Variants in HS3ST3A1 observed in about 807,000 individuals in gnomAD.
The protein encoded by HS3ST3A1 is heparan sulfate-glucosamine 3-sulfotransferase 3A1.
A neutral mutation model predicts 25.7 loss-of-function variants in HS3ST3A1; 19 were observed. The observed-to-expected ratio is 0.74, with a 90% CI of 0.52 to 1.08. The LOEUF is 1.08. Among genes scored for constraint, HS3ST3A1 ranks in the 50% least tolerant of loss-of-function variants. The pLI, the probability that HS3ST3A1 is intolerant of heterozygous loss-of-function variation, is 0.00. For synonymous variants in HS3ST3A1, 226 were observed against 278.6 expected (o/e 0.81, Z 1.88); for missense variants, 459 against 594.3 (o/e 0.77, Z 2.37).
chr17:13,597,920 G>A (rs562174486), intron 1 of HS3ST3A1, among the ~76,000 whole-genome samples: 110 of 152,292 alleles, frequency 7.2e-4, no homozygotes, highest in Non-Finnish European at 1.3e-3. Flanking sequence ...CCTTTGTGAG[G>A]ACAGTAGGTG....
In HS3ST3A1 at chr17:13,601,317, C is replaced by T; in HGVS notation, c.-188G>A. 2.0e-6 allele frequency: 1 copy of T among 510,480 alleles called. No individual in the cohort carries two copies. Among genetic ancestry groups the T allele is most frequent in the South Asian group, 3.0e-5 (1 of 32,818 alleles). The allele number at this position is 510,480 out of a possible 1,614,324, so 31.6% of individuals were successfully genotyped here. The stretch of plus-strand genomic sequence containing the variant: ...CGCGGGGAAACGGAATCCCGGGGGC[C>T]CCGCGCAGGATCCCTGCCTCCAGTC... On this transcript the variant is annotated 5_prime_UTR_variant, in exon 1 of 2. Transcript: ENST00000284110.
intron 1 of HS3ST3A1, among the ~76,000 whole-genome samples, chr17:13,589,301 G>A (rs1206133832): frequency 1.3e-5 from 2 of 152,140 alleles, no homozygotes; most frequent in African/African-American, 4.8e-5. Flanking sequence ...GTTTCTCCAA[G>A]GCCTGTTCTC....
At chr17:13,575,562 G>C (rs1377049593) in intron 1 of HS3ST3A1, among the ~76,000 whole-genome samples, 4 of 152,124 alleles carry the variant, frequency 2.6e-5, no homozygotes, top group Non-Finnish European at 5.9e-5. Context: ...TATTCTAGGG[G>C]TCAATCAAAG....
intron 1 of HS3ST3A1, among the ~76,000 whole-genome samples, chr17:13,536,524 AG>A (rs1389096537): frequency 1.3e-5 from 2 of 152,226 alleles, no homozygotes; most frequent in Non-Finnish European, 2.9e-5. Context: ...GGAAGGGGAA[AG>A]TTTTCTTGGA....
At chr17:13,568,906 G>C (rs1348298790) in intron 1 of HS3ST3A1, among the ~76,000 whole-genome samples, 1 of 152,158 alleles carries the variant, frequency 6.6e-6, no homozygotes, top group African/African-American at 2.4e-5. Flanking sequence ...ATAAACTCAG[G>C]CCACATGCAA....
intron 1 of HS3ST3A1, among the ~76,000 whole-genome samples, chr17:13,551,467 C>A (rs905100764): frequency 3.3e-5 from 5 of 151,956 alleles, no homozygotes; most frequent in African/African-American, 1.2e-4. Flanking sequence ...AACACTCACA[C>A]AGCAATTGAT....
intron 1 of HS3ST3A1, among the ~76,000 whole-genome samples, chr17:13,498,628 T>C (rs980150908): frequency 2.0e-5 from 3 of 152,236 alleles, no homozygotes; most frequent in African/African-American, 7.2e-5. Flanking sequence ...AAGGAAGGCA[T>C]GTGCAGAGGC....
At chr17:13,533,629 T>C (rs1443901348) in intron 1 of HS3ST3A1, among the ~76,000 whole-genome samples, 1 of 152,016 alleles carries the variant, frequency 6.6e-6, no homozygotes, top group African/African-American at 2.4e-5. Context: ...TGCATCACGA[T>C]AGAAAGATGT....
intron 1 of HS3ST3A1, among the ~76,000 whole-genome samples, chr17:13,551,132 A>G (rs1487054913): frequency 2.0e-5 from 3 of 151,278 alleles, no homozygotes; most frequent in African/African-American, 7.3e-5. Context: ...AATAATCACG[A>G]GGTCAGGAGA....
intron 1 of HS3ST3A1, among the ~76,000 whole-genome samples, chr17:13,558,490 T>C (rs1907439918): frequency 6.6e-6 from 1 of 152,074 alleles, no homozygotes; most frequent in African/African-American, 2.4e-5. Flanking sequence ...ATGTAAGTAA[T>C]AAAAAATTCA....
chr17:13,588,124 A>G (rs1908324417), intron 1 of HS3ST3A1, among the ~76,000 whole-genome samples: 1 of 152,200 alleles, frequency 6.6e-6, no homozygotes, highest in Admixed American at 6.5e-5. Flanking sequence ...AGTTTGGGTC[A>G]ATAAAGTTTT....
rs549042711 is a variant in HS3ST3A1, at chr17:13,496,095, C to T, written c.*102G>A. The T allele has an allele frequency of 4.3e-5, 57 of 1,321,614 alleles. No homozygotes were observed. The African/African-American group carries it at 7.3e-4, about 17-fold the overall frequency. The allele number at this position is 1,321,614 out of a possible 1,614,324, so 81.9% of individuals were successfully genotyped here. ...CTCTTAACATTCATTGAAAAAAATA[C>T]TGAAACATATTTTCAGCACAAATAT... On this transcript the variant is annotated 3_prime_UTR_variant, in exon 2 of 2. Transcript: ENST00000284110.
rs554197013 is a variant in HS3ST3A1, at chr17:13,571,003, T to C, written c.599+29528A>G. On this transcript the variant is annotated intron_variant, in intron 1 of 1. Transcript: ENST00000284110. ...TTAGAGATATAGGAGAGGCCTGTTG[T>C]TACCAAGGCTGTCTTCTTAGGTGTC... 3.8e-4 allele frequency among the ~76,000 whole-genome samples: 58 copies of C among 152,322 alleles called. 1 individual carries two copies. The South Asian group carries it at 0.012, about 32-fold the overall frequency.
chr17:13,572,542 C>A (rs1326210925), intron 1 of HS3ST3A1, among the ~76,000 whole-genome samples: 1 of 152,198 alleles, frequency 6.6e-6, no homozygotes, highest in Non-Finnish European at 1.5e-5. Context: ...AGAGCTGCTA[C>A]AGGGATTTGA....
chr17:13,522,190 T>C (rs530832813), intron 1 of HS3ST3A1, among the ~76,000 whole-genome samples: 3 of 152,062 alleles, frequency 2.0e-5, no homozygotes, highest in Non-Finnish European at 2.9e-5. Flanking sequence ...TATTCATCTG[T>C]TTGTATGTAT....
intron 1 of HS3ST3A1, among the ~76,000 whole-genome samples, chr17:13,562,709 C>T (rs1021088606): frequency 6.6e-6 from 1 of 152,084 alleles, no homozygotes; most frequent in South Asian, 2.1e-4. Flanking sequence ...ATGGAAATCA[C>T]GGGCAAACGT....
chr17:13,601,125 G>A lies in HS3ST3A1; in HGVS notation c.5C>T (p.Ala2Val), dbSNP rs1457631829. The change falls in exon 1 of 2, where the codon GCC becomes GTC. Residue 2 changes from alanine to valine, a missense_variant. Coordinates refer to ENST00000284110, the MANE Select transcript of HS3ST3A1 (RefSeq NM_006042.3). Reference sequence around the variant, plus strand: ...GAGGGCACTGGCCGGGCCCGGAGGGGCCATCCTAGCCGGAGGCGACGTCGG... The same window carrying A: ...GAGGGCACTGGCCGGGCCCGGAGGGACCATCCTAGCCGGAGGCGACGTCGG... MAPPGPASALST... is the reference protein window; with the variant it reads MVPPGPASALST... 2 of 1,542,648 alleles carry A rather than the reference G, an allele frequency of 1.3e-6. No individual in the cohort carries two copies. The highest frequency in any genetic ancestry group is 1.7e-6 in the Non-Finnish European group (2 of 1,147,690).
At chr17:13,501,557 C>T (rs1905476755) in intron 1 of HS3ST3A1, among the ~76,000 whole-genome samples, 1 of 152,092 alleles carries the variant, frequency 6.6e-6, no homozygotes, top group South Asian at 2.1e-4. Flanking sequence ...TGCAGCTGAT[C>T]TCAAATATAA....
intron 1 of HS3ST3A1, among the ~76,000 whole-genome samples, chr17:13,504,446 A>T (rs1464020723): frequency 2.0e-5 from 3 of 152,134 alleles, no homozygotes; most frequent in Non-Finnish European, 4.4e-5. Context: ...CATCTATCCC[A>T]TTCAATATCA....
Sources: allele counts gnomAD v4.1 joint callset (sites outside exome capture counted in the v4.1 genomes callset), GRCh38; gene constraint gnomAD v4.1.1; transcripts MANE v1.5; gene names NCBI Gene and HGNC (gene_info 2026-07-23, HGNC 2026-07-21).